GTF3C1: variants seen among roughly 807,000 people sequenced by gnomAD.
GTF3C1 encodes the protein general transcription factor 3C polypeptide 1.
A neutral mutation model predicts 226.7 loss-of-function variants in GTF3C1; 57 were observed. That is an observed-to-expected ratio of 0.25 (90% CI 0.20 to 0.31). The LOEUF is 0.31. Ranked by LOEUF, GTF3C1 falls within the 10% of genes least tolerant of loss-of-function variation. The probability of loss-of-function intolerance (pLI) is 1.00; values close to 1 mark genes in which losing one functional copy is unlikely to be tolerated. For synonymous variants in GTF3C1, 1,090 were observed against 1,084.8 expected (o/e 1.00, Z -0.09); for missense variants, 2,217 against 2,776.1 (o/e 0.80, Z 4.53).
At position 27,463,400 on chromosome 16, in the gene GTF3C1, C is replaced by T; in HGVS notation, c.5924+141G>A. 1 of 679,770 alleles carries T rather than the reference C, an allele frequency of 1.5e-6. No individual in the cohort carries two copies. The highest frequency in any genetic ancestry group is 2.6e-6 in the Non-Finnish European group (1 of 378,918). The allele number at this position is 679,770 out of a possible 1,614,324, so 42.1% of individuals were successfully genotyped here. A position where few individuals can be genotyped will look rare whatever the true frequency, so the allele number is the denominator to read the frequency against. ...CGCCCACTGCGCCCCTCCAAGTACCCCTGCCAAGAACCAAGGTGCCGGGCA... is the reference window on the plus strand; with the variant it reads ...CGCCCACTGCGCCCCTCCAAGTACCTCTGCCAAGAACCAAGGTGCCGGGCA... On this transcript the variant is annotated intron_variant, in intron 35 of 36. Coordinates refer to ENST00000356183, the MANE Select transcript of GTF3C1 (RefSeq NM_001520.4). This position sits in a 1 kb window ranked among gnomAD's most constrained non-coding sequence, Gnocchi z 4.9.
At chr16:27,494,402 TA>T (rs1266507197) in intron 16 of GTF3C1, among the ~76,000 whole-genome samples, 10 of 94,314 alleles carry the variant, frequency 1.1e-4, no homozygotes, top group South Asian at 3.4e-4. Flanking sequence ...CTCTGTCTCA[TA>T]AAAAAAAAAC....
chr16:27,493,293 C>T lies in GTF3C1; in HGVS notation c.2782G>A (p.Asp928Asn). Reference protein sequence around the residue: ...IQIVQVSYKVDNLEEFLNDPL... With the variant: ...IQIVQVSYKVNNLEEFLNDPL... ...TCGTTCAGAAATTCCTCCAGGTTGT[C>T]CACCTGAAGAGGTGATGTGCAGGTT... The change falls in exon 17 of 37, where the codon GAC (aspartate) becomes AAC (asparagine). Residue 928 changes from aspartate to asparagine, a missense_variant. Coordinates refer to ENST00000356183, the MANE Select transcript of GTF3C1 (RefSeq NM_001520.4). 3 of 1,571,246 alleles carry T rather than the reference C, an allele frequency of 1.9e-6. No individual in the cohort carries two copies. Among genetic ancestry groups the T allele is most frequent in the Non-Finnish European group, 2.6e-6 (3 of 1,140,830 alleles).
At chr16:27,526,360 A>G (rs983386428) in intron 6 of GTF3C1, among the ~76,000 whole-genome samples, 5 of 152,142 alleles carry the variant, frequency 3.3e-5, no homozygotes, top group Admixed American at 1.3e-4. Context: ...CAGAGCCCTC[A>G]TTTTTGGCAC....
At chr16:27,522,647 A>G (rs232083) in intron 6 of GTF3C1, among the ~76,000 whole-genome samples, 28,344 of 152,254 alleles carry the variant, frequency 0.19, 3,072 homozygotes, top group African/African-American at 0.29. Flanking sequence ...GGAGTCAGTC[A>G]GGATTCTCAC....
At chr16:27,489,215 T>C (rs376307210) in intron 20 of GTF3C1, 37 bp from the exon 21 acceptor site, 3 of 1,609,104 alleles carry the variant, frequency 1.9e-6, no homozygotes, top group Non-Finnish European at 2.6e-6. Context: ...GAGCCCTTCT[T>C]GGTCATCACC....
chr16:27,545,422 T>C lies in GTF3C1; in HGVS notation c.323A>G (p.Asp108Gly). ...YPIHMILENK[D>G]GIQGSCRYFK... ...GTAGCGGCATGAGCCCTGGATGCCA[T>C]CCTTATTCTCTAAGATCATATGAAT... The change falls in exon 2 of 37, where the codon GAT becomes GGT. Residue 108 changes from aspartate (D) to glycine (G), a missense_variant. This residue lies in a region of GTF3C1 where 192 missense variants were observed against 251.8 expected (regional missense o/e 0.76). Coordinates refer to ENST00000356183, the MANE Select transcript of GTF3C1 (RefSeq NM_001520.4). The C allele has an allele frequency of 6.2e-7, 1 of 1,611,820 alleles. No individual in the cohort carries two copies. Among genetic ancestry groups the C allele is most frequent in the Non-Finnish European group, 8.5e-7 (1 of 1,177,906 alleles).
chr16:27,537,013 G>A (rs545554166), intron 4 of GTF3C1, among the ~76,000 whole-genome samples: 6 of 152,348 alleles, frequency 3.9e-5, no homozygotes, highest in South Asian at 2.1e-4. Flanking sequence ...AGAAGAGAAT[G>A]TGCACATTTT....
intron 6 of GTF3C1, among the ~76,000 whole-genome samples, chr16:27,519,879 G>A (rs979054976): frequency 2.6e-5 from 4 of 152,176 alleles, no homozygotes; most frequent in Non-Finnish European, 5.9e-5. Flanking sequence ...GGACAAGACA[G>A]GAGGATCACT....
rs2088949566 is a variant in GTF3C1, at chr16:27,533,317, T to A, written c.823A>T (p.Thr275Ser). 6.2e-7 allele frequency: 1 copy of A among 1,601,732 alleles called. No homozygotes were observed. Among genetic ancestry groups the A allele is most frequent in the Admixed American group, 1.7e-5 (1 of 59,994 alleles). Residue 275 changes from threonine to serine, a missense_variant, in exon 5 of 37, where the codon ACG becomes TCG. By Grantham distance (58) the Thr-to-Ser change is moderately conservative (BLOSUM62 1). Around this residue, in one of 12 missense-constraint regions of GTF3C1, gnomAD observed 163 missense variants for 234.3 expected, o/e 0.70. Transcript: ENST00000356183. The stretch of plus-strand genomic sequence containing the variant: ...AGCTCTTCCCTCAGCTTTCCCAGCG[T>A]CTCTATGTGGTTAGTCCGTGTGCTC... Reference protein sequence around the residue: ...MLSTRTNHIETLGKLREELGL... With the variant: ...MLSTRTNHIESLGKLREELGL...
intron 6 of GTF3C1, among the ~76,000 whole-genome samples, chr16:27,523,765 T>G (rs1351949403): frequency 1.3e-5 from 2 of 152,196 alleles, no homozygotes; most frequent in Non-Finnish European, 2.9e-5. Context: ...GTAACTGGGC[T>G]ACGGCGTGCC....
intron 10 of GTF3C1, among the ~76,000 whole-genome samples, chr16:27,505,624 CTCTAAAATAAA>C (rs1429441070): frequency 6.6e-6 from 1 of 152,168 alleles, no homozygotes; most frequent in Non-Finnish European, 1.5e-5. Context: ...ACAGGTTTCC[CTCTAAAATAAA>C]TCTAACTGAA....
rs2087825857 is a variant in GTF3C1, at chr16:27,469,055, C to T, written c.5074+236G>A. On this transcript the variant is annotated intron_variant, in intron 32 of 36. Coordinates refer to ENST00000356183, the MANE Select transcript of GTF3C1 (RefSeq NM_001520.4). This position sits in a 1 kb window ranked among gnomAD's most constrained non-coding sequence, Gnocchi z 4.5. ...GTGACTGCTGGTGCCTGCAGCACAGCTGTGACTAAAAGAGGCGGTGCGGGG... is the reference window on the plus strand; with the variant it reads ...GTGACTGCTGGTGCCTGCAGCACAGTTGTGACTAAAAGAGGCGGTGCGGGG... Among the ~76,000 whole-genome samples, 1 of 152,224 alleles carries T rather than the reference C, an allele frequency of 6.6e-6. No homozygotes were observed.
chr16:27,520,456 C>T (rs2088728082), intron 6 of GTF3C1, among the ~76,000 whole-genome samples: 6 of 151,894 alleles, frequency 4.0e-5, no homozygotes, highest in Admixed American at 3.9e-4. Flanking sequence ...TTCTACTTCC[C>T]CCCACTCCAA....
rs759118473 is a variant in GTF3C1, at chr16:27,471,187, C to T, written c.4526+561G>A. Among the ~76,000 whole-genome samples, 7 of 152,210 alleles carry T rather than the reference C, an allele frequency of 4.6e-5. No individual in the cohort carries two copies. The highest frequency in any genetic ancestry group is 7.3e-5 in the Non-Finnish European group (5 of 68,034). ...AAGGAGAATGGTGTGAAGGGGAAGC[C>T]GTCAAGACGGCAGCTTAGGAATGTT... On this transcript the variant is annotated intron_variant, in intron 30 of 36. Transcript: ENST00000356183. This position sits in a 1 kb window ranked among gnomAD's most constrained non-coding sequence, Gnocchi z 5.0.
chr16:27,513,886 C>T (rs947692203), intron 6 of GTF3C1, among the ~76,000 whole-genome samples: 1 of 152,126 alleles, frequency 6.6e-6, no homozygotes, highest in Non-Finnish European at 1.5e-5. Flanking sequence ...GAACCCTGCC[C>T]GTGAAGTGTG....
chr16:27,507,159 A>T lies in GTF3C1; in HGVS notation c.1243-3T>A, dbSNP rs753885670. ...CGACCTTCGTCTTCCATGAATCCCT[A>T]GAGGGAATAAGATGTGTTTATCCCA... On this transcript the variant is annotated splice_region_variant and splice_polypyrimidine_tract_variant and intron_variant, in intron 8 of 36. Coordinates refer to ENST00000356183, the MANE Select transcript of GTF3C1 (RefSeq NM_001520.4). The surrounding 1 kb of genome is among the most constrained non-coding windows in gnomAD (Gnocchi z 4.9). 16 of 1,596,198 alleles carry T rather than the reference A, an allele frequency of 1.0e-5. No homozygotes were observed. The highest frequency in any genetic ancestry group is 1.3e-5 in the Non-Finnish European group (15 of 1,169,138).
rs1317553759 is a variant in GTF3C1, at chr16:27,487,915, G to A, written c.3700+312C>T. Among the ~76,000 whole-genome samples, 3 of 152,160 alleles carry A rather than the reference G, an allele frequency of 2.0e-5. No homozygotes were observed. In the East Asian group the frequency reaches 5.8e-4, roughly 29 times the overall value. On this transcript the variant is annotated intron_variant, in intron 23 of 36. Coordinates refer to ENST00000356183, the MANE Select transcript of GTF3C1 (RefSeq NM_001520.4). ...TAGGATCTTGGCTAGTTGTGATGAG[G>A]CTGTTGCTGACATTTTTTTCAGCTG...
At chr16:27,512,926 C>T (rs758277900) in intron 6 of GTF3C1, among the ~76,000 whole-genome samples, 1 of 152,152 alleles carries the variant, frequency 6.6e-6, no homozygotes, top group Non-Finnish European at 1.5e-5. Context: ...AACATGAACA[C>T]CAAGATATCC....
At chr16:27,481,326 CT>C in intron 26 of GTF3C1, 135 bp from the exon 27 acceptor site, 1 of 694,284 alleles carries the variant, frequency 1.4e-6, no homozygotes. Context: ...GGTGCCTCCC[CT>C]GGTCACCTGT....
Sources: gnomAD v4.1 joint callset for allele counts (sites outside exome capture counted in the v4.1 genomes callset) on GRCh38, gnomAD v4.1.1 for gene constraint, gnomAD v4.1.1 regional missense constraint, Gnocchi (gnomAD v3.1) non-coding constraint, MANE v1.5 for transcripts, NCBI Gene and HGNC (gene_info 2026-07-23, HGNC 2026-07-21) for gene names.